ZNF423: variants seen among roughly 807,000 people sequenced by gnomAD.
ZNF423 encodes zinc finger protein 423, also known as Ebf-associated zinc finger protein.
ZNF423 carries 12 observed loss-of-function variants against 95.8 expected under a neutral mutation model. That is an observed-to-expected ratio of 0.13 (90% CI 0.08 to 0.20). The LOEUF (loss-of-function observed/expected upper bound fraction) is 0.20. Ranked by LOEUF, ZNF423 falls within the 10% of genes least tolerant of loss-of-function variation. ZNF423 has a pLI of 1.00. For missense variants in ZNF423, 1,316 were observed against 1,737.1 expected, an observed-to-expected ratio of 0.76 and a Z score of 4.31; for synonymous variants, 749 against 711.9, an observed-to-expected ratio of 1.05 and a Z score of -0.83.
chr16:49,611,773 G>C (rs151130456), intron 5 of ZNF423, among the ~76,000 whole-genome samples: 1 of 151,906 alleles, frequency 6.6e-6, no homozygotes, highest in African/African-American at 2.4e-5. Flanking sequence ...AGAAGACACA[G>C]ATTACCAATA....
At chr16:49,645,792 T>C (rs1025329530) in intron 3 of ZNF423, among the ~76,000 whole-genome samples, 13 of 152,222 alleles carry the variant, frequency 8.5e-5, no homozygotes, top group African/African-American at 2.7e-4. Flanking sequence ...CATGCTATTC[T>C]AGCGATAGTG....
chr16:49,624,204 A>T (rs181241324), intron 5 of ZNF423, among the ~76,000 whole-genome samples: 1 of 152,098 alleles, frequency 6.6e-6, no homozygotes. Context: ...AAAATATAAT[A>T]TCTATATATT....
chr16:49,556,853 C>A (rs1411934861), intron 5 of ZNF423, among the ~76,000 whole-genome samples: 12 of 152,198 alleles, frequency 7.9e-5, no homozygotes, highest in Admixed American at 7.2e-4. Flanking sequence ...TTGAGAACAG[C>A]ACACTTTACG....
At chr16:49,834,743 G>A (rs969795691) in intron 1 of ZNF423, among the ~76,000 whole-genome samples, 4 of 152,128 alleles carry the variant, frequency 2.6e-5, no homozygotes, top group South Asian at 2.1e-4. Flanking sequence ...CCCTGGGGCC[G>A]GGCCGGCTCA....
intron 2 of ZNF423, among the ~76,000 whole-genome samples, chr16:49,737,620 G>A (rs1293170576): frequency 3.3e-5 from 5 of 152,234 alleles, no homozygotes; most frequent in Non-Finnish European, 7.3e-5. Context: ...AAATCACGGG[G>A]CAGGGGACAG....
intron 1 of ZNF423, among the ~76,000 whole-genome samples, chr16:49,805,483 T>C (rs551317456): frequency 9.2e-5 from 14 of 152,322 alleles, no homozygotes; most frequent in Admixed American, 3.9e-4. Flanking sequence ...GATTTGAAGC[T>C]GGGTCTACAT....
intron 2 of ZNF423, among the ~76,000 whole-genome samples, chr16:49,733,042 A>C (rs1000941094): frequency 3.3e-5 from 5 of 152,236 alleles, no homozygotes; most frequent in African/African-American, 1.2e-4. Flanking sequence ...AAAGTCAGGC[A>C]GCATATTTAT....
intron 1 of ZNF423, among the ~76,000 whole-genome samples, chr16:49,810,288 T>A (rs1242580998): frequency 6.6e-6 from 1 of 151,938 alleles, no homozygotes; most frequent in Non-Finnish European, 1.5e-5. Flanking sequence ...CCTTCTTACC[T>A]CCTGATGCTC....
intron 5 of ZNF423, among the ~76,000 whole-genome samples, chr16:49,580,446 T>A (rs539649897): frequency 6.6e-6 from 1 of 152,370 alleles, no homozygotes; most frequent in Non-Finnish European, 1.5e-5. Context: ...GGAAAATACA[T>A]GTATTCATTC....
intron 5 of ZNF423, among the ~76,000 whole-genome samples, chr16:49,561,845 C>T (rs538605215): frequency 3.9e-5 from 6 of 152,294 alleles, no homozygotes; most frequent in South Asian, 4.1e-4. Context: ...AATTTGAAGA[C>T]GCCAGGATTG....
intron 1 of ZNF423, among the ~76,000 whole-genome samples, chr16:49,793,813 G>A (rs1172942383): frequency 3.9e-5 from 6 of 152,282 alleles, no homozygotes; most frequent in Non-Finnish European, 7.4e-5. Context: ...CAGGGTGGAT[G>A]TGAATACACA....
intron 3 of ZNF423, among the ~76,000 whole-genome samples, chr16:49,692,687 A>G (rs775807572): frequency 2.0e-5 from 3 of 152,194 alleles, no homozygotes; most frequent in Non-Finnish European, 4.4e-5. Flanking sequence ...CTGGGTGGAC[A>G]CCCCTGAAGG....
intron 2 of ZNF423, among the ~76,000 whole-genome samples, chr16:49,762,157 C>G (rs2033843882): frequency 6.6e-6 from 1 of 152,218 alleles, no homozygotes; most frequent in Non-Finnish European, 1.5e-5. Context: ...TGAGGCCCAG[C>G]AGGCTGAGCC....
intron 2 of ZNF423, among the ~76,000 whole-genome samples, chr16:49,757,065 A>G (rs1275058164): frequency 6.6e-6 from 1 of 152,222 alleles, no homozygotes; most frequent in African/African-American, 2.4e-5. Flanking sequence ...TGTTTTTCTT[A>G]TAAATTACTT....
chr16:49,715,371 G>A (rs537109764), intron 3 of ZNF423, among the ~76,000 whole-genome samples: 1 of 152,286 alleles, frequency 6.6e-6, no homozygotes, highest in East Asian at 1.9e-4. Context: ...CACGTGAAAA[G>A]CTGAAAGAAC....
intron 4 of ZNF423, among the ~76,000 whole-genome samples, chr16:49,632,860 A>G (rs1443070144): frequency 6.6e-6 from 1 of 152,148 alleles, no homozygotes; most frequent in East Asian, 1.9e-4. Context: ...GGCTCTAGAA[A>G]CAGCTCCCTG....
At chr16:49,578,252 G>A (rs1009974466) in intron 5 of ZNF423, among the ~76,000 whole-genome samples, 11 of 152,202 alleles carry the variant, frequency 7.2e-5, no homozygotes, top group Non-Finnish European at 1.5e-5. Flanking sequence ...CAATCCCAGA[G>A]GTGGCCTCTG....
chr16:49,565,436 C>A (rs986578366), intron 5 of ZNF423, among the ~76,000 whole-genome samples: 1 of 152,222 alleles, frequency 6.6e-6, no homozygotes, highest in Non-Finnish European at 1.5e-5. Flanking sequence ...CAAGCCTGAG[C>A]GCCAGAGCAC....
chr16:49,631,242 C>A (rs1359067062), intron 4 of ZNF423, among the ~76,000 whole-genome samples: 1 of 152,148 alleles, frequency 6.6e-6, no homozygotes, highest in Non-Finnish European at 1.5e-5. Flanking sequence ...ACACACAGAC[C>A]CATCCCCACA....
Sources: allele counts gnomAD v4.1 joint callset (sites outside exome capture counted in the v4.1 genomes callset), GRCh38; gene constraint gnomAD v4.1.1; transcripts MANE v1.5; gene names NCBI Gene and HGNC (gene_info 2026-07-23, HGNC 2026-07-21).